The following ECHDC1 variants were observed in gnomAD, a reference collection of about 807,000 sequenced individuals.
ECHDC1 encodes ethylmalonyl-CoA decarboxylase.
Under a neutral mutation model 29.7 loss-of-function variants are expected in ECHDC1, and 29 were observed. That is an observed-to-expected ratio of 0.98 (90% confidence interval 0.73 to 1.33). ECHDC1 has a LOEUF of 1.33. Among genes scored for constraint, ECHDC1 ranks in the 40% most tolerant of loss-of-function variants. The probability of loss-of-function intolerance (pLI) is 0.00; values close to 1 mark genes in which losing one functional copy is unlikely to be tolerated. For missense variants in ECHDC1, 328 were observed against 350.0 expected, an observed-to-expected ratio of 0.94 and a Z score of 0.50; for synonymous variants, 126 against 123.1, an observed-to-expected ratio of 1.02 and a Z score of -0.15.
At chr6:127,323,378 C>T (rs913019661) in intron 3 of ECHDC1, among the ~76,000 whole-genome samples, 31 of 152,140 alleles carry the variant, frequency 2.0e-4, no homozygotes, top group African/African-American at 7.0e-4. Context: ...AGATACATCA[C>T]AAATTTAAGT....
intron 1 of ECHDC1, among the ~76,000 whole-genome samples, chr6:127,335,687 C>T (rs947627666): frequency 6.6e-6 from 1 of 152,030 alleles, no homozygotes; most frequent in Non-Finnish European, 1.5e-5. Context: ...AATGAAAGCA[C>T]TGGGTGACCT....
chr6:127,334,150 T>G (rs1056475593), intron 1 of ECHDC1, among the ~76,000 whole-genome samples: 1 of 152,184 alleles, frequency 6.6e-6, no homozygotes. Flanking sequence ...CTCCTTAGTA[T>G]TGCCTAACAG....
intron 4 of ECHDC1, 108 bp downstream of exon 4, chr6:127,316,342 T>A (rs1253715584): frequency 3.4e-6 from 3 of 893,596 alleles, no homozygotes; most frequent in Non-Finnish European, 5.2e-6. Flanking sequence ...TTAGAATAGA[T>A]GTAATTTGAA....
rs538051998 is a variant in ECHDC1, at chr6:127,312,408, A to T, written c.497+2408T>A. On this transcript the variant is annotated intron_variant, in intron 5 of 5. Coordinates refer to ENST00000454859, the MANE Select transcript of ECHDC1 (RefSeq NM_001002030.2). Reference sequence around the variant, plus strand: ...TCCCACCCGTCAAATGGCTAAATCTAAACAGCTTGACAGTACCACATGTTG... The same window carrying T: ...TCCCACCCGTCAAATGGCTAAATCTTAACAGCTTGACAGTACCACATGTTG... Among the ~76,000 whole-genome samples, 10 of 152,352 alleles carry T rather than the reference A, an allele frequency of 6.6e-5. No homozygotes were observed. In the East Asian group the frequency reaches 1.9e-3, roughly 29 times the overall value.
intron 3 of ECHDC1, among the ~76,000 whole-genome samples, chr6:127,319,345 A>G (rs895041042): frequency 2.0e-5 from 3 of 152,210 alleles, no homozygotes; most frequent in Admixed American, 2.0e-4. Context: ...GGGAGCTAGT[A>G]ATGATTAAGT....
intron 5 of ECHDC1, among the ~76,000 whole-genome samples, chr6:127,300,477 TA>T (rs1175641880): frequency 1.3e-5 from 2 of 152,168 alleles, no homozygotes. Flanking sequence ...TGAGAACACT[TA>T]AAAGCAGAGA....
At chr6:127,299,017 A>C (rs1780840227) in intron 5 of ECHDC1, among the ~76,000 whole-genome samples, 1 of 149,950 alleles carries the variant, frequency 6.7e-6, no homozygotes, top group South Asian at 2.1e-4. Context: ...ATGGGACTAC[A>C]GGCGTGTGCC....
At chr6:127,305,082 T>C (rs143259529) in intron 5 of ECHDC1, among the ~76,000 whole-genome samples, 3 of 152,218 alleles carry the variant, frequency 2.0e-5, no homozygotes, top group South Asian at 2.1e-4. Flanking sequence ...GCAAAGCAGA[T>C]TGAACCCAAA....
intron 1 of ECHDC1, among the ~76,000 whole-genome samples, chr6:127,338,851 C>A (rs1054041679): frequency 6.6e-6 from 1 of 152,094 alleles, no homozygotes; most frequent in Non-Finnish European, 1.5e-5. Context: ...AGTTGAGTCA[C>A]CTAACCAGTA....
intron 3 of ECHDC1, chr6:127,326,761 C>G: frequency 2.2e-6 from 1 of 449,368 alleles, no homozygotes; most frequent in Non-Finnish European, 4.0e-6. Flanking sequence ...CTAGAAATAA[C>G]AGTAATTTCA....
At chr6:127,338,437 T>C (rs576727545) in intron 1 of ECHDC1, among the ~76,000 whole-genome samples, 6 of 152,204 alleles carry the variant, frequency 3.9e-5, no homozygotes, top group Non-Finnish European at 7.4e-5. Flanking sequence ...CTTTTTTTTT[T>C]CCACCAGTAA....
At chr6:127,322,664 T>G (rs1223594037) in intron 3 of ECHDC1, among the ~76,000 whole-genome samples, 1 of 143,258 alleles carries the variant, frequency 7.0e-6, no homozygotes, top group African/African-American at 2.5e-5. Flanking sequence ...ATATATACAA[T>G]GATGTATATA....
At chr6:127,296,950 A>T (rs59930939) in intron 5 of ECHDC1, among the ~76,000 whole-genome samples, 10,606 of 152,196 alleles carry the variant, frequency 0.07, 398 homozygotes, top group South Asian at 0.098. Flanking sequence ...AGTTGCAGTG[A>T]GCAGTGATCG....
chr6:127,323,408 T>C (rs968527010), intron 3 of ECHDC1, among the ~76,000 whole-genome samples: 14 of 152,090 alleles, frequency 9.2e-5, no homozygotes, highest in African/African-American at 3.4e-4. Context: ...TGCTACAAAT[T>C]ATGCATCATC....
rs9398838 is a variant in ECHDC1 at position 127,314,140 on chromosome 6, C to A, written c.497+676G>T. ...AGTATGTGAACCTGTACAGATAACT[C>A]ACAGAGCATTGTATTGGTCTCCTTA... On this transcript the variant is annotated intron_variant, in intron 5 of 5. Coordinates refer to ENST00000454859, the MANE Select transcript of ECHDC1 (RefSeq NM_001002030.2). Among the ~76,000 whole-genome samples the A allele has an allele frequency of 1.4e-3, 211 of 152,088 alleles. 1 individual carries two copies. Among genetic ancestry groups the A allele is most frequent in the African/African-American group, 4.4e-3 (183 of 41,480 alleles).
At chr6:127,334,007 T>G (rs945254261) in intron 1 of ECHDC1, among the ~76,000 whole-genome samples, 4 of 152,218 alleles carry the variant, frequency 2.6e-5, no homozygotes, top group Non-Finnish European at 5.9e-5. Context: ...GCAAGCTTTT[T>G]GCCCATTATT....
intron 3 of ECHDC1, among the ~76,000 whole-genome samples, chr6:127,320,248 C>A (rs747615214): frequency 6.6e-6 from 1 of 152,138 alleles, no homozygotes; most frequent in Non-Finnish European, 1.5e-5. Flanking sequence ...AACTCCTGAC[C>A]TCAGGTGATC....
At chr6:127,321,809 C>T (rs570096662) in intron 3 of ECHDC1, among the ~76,000 whole-genome samples, 11 of 151,960 alleles carry the variant, frequency 7.2e-5, no homozygotes, top group African/African-American at 2.7e-4. Flanking sequence ...TCGAGACCAG[C>T]CTGGCCAAAA....
chr6:127,328,361 T>C (rs1783557898), intron 2 of ECHDC1, among the ~76,000 whole-genome samples: 2 of 152,234 alleles, frequency 1.3e-5, no homozygotes, highest in South Asian at 2.1e-4. Context: ...CACATGTTTG[T>C]ATTACAGTTG....
Sources: gnomAD v4.1 joint callset for allele counts (sites outside exome capture counted in the v4.1 genomes callset) on GRCh38, gnomAD v4.1.1 for gene constraint, MANE v1.5 for transcripts, NCBI Gene and HGNC (gene_info 2026-07-23, HGNC 2026-07-21) for gene names.